The following EPN2 variants were observed in gnomAD, a reference collection of about 807,000 sequenced individuals.
The protein encoded by EPN2 is epsin 2, also known as epsin-2.
In EPN2, 34 loss-of-function variants were observed where a neutral mutation model predicts 61.7. The observed-to-expected ratio is 0.55, with a 90% CI of 0.42 to 0.73. The LOEUF (loss-of-function observed/expected upper bound fraction) is 0.73, where lower values mean the gene tolerates loss of function less well. Among genes scored for constraint, EPN2 ranks in the 30% least tolerant of loss-of-function variants. The probability of loss-of-function intolerance (pLI) is 0.00; values close to 1 mark genes in which losing one functional copy is unlikely to be tolerated. For missense variants in EPN2, 714 were observed against 839.2 expected, an observed-to-expected ratio of 0.85 and a Z score of 1.84; for synonymous variants, 349 against 353.6, an observed-to-expected ratio of 0.99 and a Z score of 0.15.
chr17:19,326,550 G>A (rs765714833), intron 7 of EPN2, among the ~76,000 whole-genome samples: 11 of 152,050 alleles, frequency 7.2e-5, no homozygotes, highest in Non-Finnish European at 1.2e-4. Flanking sequence ...AGCTGGGTGT[G>A]GTGGTGGGTG....
chr17:19,324,995 A>G (rs1433300614), intron 7 of EPN2, among the ~76,000 whole-genome samples: 1 of 152,214 alleles, frequency 6.6e-6, no homozygotes, highest in African/African-American at 2.4e-5. Context: ...GTGCTTACAA[A>G]TCCAAAAACT....
chr17:19,331,601 A>G (rs1040811921), intron 9 of EPN2, among the ~76,000 whole-genome samples: 2 of 151,244 alleles, frequency 1.3e-5, no homozygotes, highest in African/African-American at 4.9e-5. Context: ...AGCTATACAC[A>G]CTCTTTTATA....
chr17:19,249,673 A>G (rs2044992584), intron 1 of EPN2: 1 of 152,274 alleles, frequency 6.6e-6, no homozygotes, highest in Non-Finnish European at 1.5e-5. Flanking sequence ...GAGCTCACAG[A>G]TGTGTTTTGT....
chr17:19,253,680 T>C (rs2045040826), intron 1 of EPN2, among the ~76,000 whole-genome samples: 1 of 152,142 alleles, frequency 6.6e-6, no homozygotes. Context: ...ATTATAGGTG[T>C]GAGCCACTGT....
intron 9 of EPN2, 55 bp from the exon 10 acceptor site, chr17:19,331,798 A>G (rs1260657538): frequency 3.4e-5 from 50 of 1,480,700 alleles, no homozygotes; most frequent in Non-Finnish European, 4.4e-5. Context: ...TTAAGTACAC[A>G]GTCTTAGGCT....
intron 10 of EPN2, 25 bp downstream of exon 10, chr17:19,332,093 C>T (rs1270391203): frequency 1.9e-6 from 3 of 1,559,076 alleles, no homozygotes; most frequent in East Asian, 4.5e-5. Context: ...CAGGCTTCAT[C>T]CATTGCCTGC....
chr17:19,251,729 C>T (rs765581966), intron 1 of EPN2, among the ~76,000 whole-genome samples: 1 of 152,076 alleles, frequency 6.6e-6, no homozygotes, highest in African/African-American at 2.4e-5. Flanking sequence ...CCACTGCACC[C>T]GGCCAGGTAG....
intron 7 of EPN2, among the ~76,000 whole-genome samples, chr17:19,321,024 A>G (rs956528530): frequency 6.6e-5 from 10 of 152,148 alleles, no homozygotes; most frequent in Non-Finnish European, 5.9e-5. Flanking sequence ...TGCTTTGGCA[A>G]GGGGGACAGA....
chr17:19,258,444 T>TA (rs2045105474), intron 1 of EPN2, among the ~76,000 whole-genome samples: 1 of 152,212 alleles, frequency 6.6e-6, no homozygotes, highest in Admixed American at 6.5e-5. Flanking sequence ...TGTCAGCAGC[T>TA]ATCTGGTTGT....
At chr17:19,262,210 G>A (rs2045149148) in intron 1 of EPN2, among the ~76,000 whole-genome samples, 1 of 151,024 alleles carries the variant, frequency 6.6e-6, no homozygotes, top group Admixed American at 6.6e-5. Context: ...CAGGTGCAGT[G>A]GCTCATGCCT....
At chr17:19,248,730 A>C (rs1320019520) in intron 1 of EPN2, among the ~76,000 whole-genome samples, 5 of 152,208 alleles carry the variant, frequency 3.3e-5, no homozygotes, top group Admixed American at 6.5e-5. Context: ...GAGTGAATAA[A>C]ATTTAAGTTC....
At chr17:19,327,813 A>AT (rs1906954158) in intron 7 of EPN2, among the ~76,000 whole-genome samples, 1 of 152,254 alleles carries the variant, frequency 6.6e-6, no homozygotes, top group Admixed American at 6.5e-5. Context: ...AGAAAGGCTA[A>AT]TAAACAGTTC....
chr17:19,284,986 A>G (rs1486429080), intron 3 of EPN2, among the ~76,000 whole-genome samples: 2 of 152,244 alleles, frequency 1.3e-5, no homozygotes, highest in African/African-American at 2.4e-5. Context: ...AATCTCCAGA[A>G]GCCTCAATGC....
chr17:19,265,341 G>T (rs982752715), intron 1 of EPN2, among the ~76,000 whole-genome samples: 1 of 148,344 alleles, frequency 6.7e-6, no homozygotes, highest in South Asian at 2.1e-4. Context: ...TTGTGCTACT[G>T]TACTCCATCT....
At chr17:19,320,207 G>A (rs757893410) in intron 7 of EPN2, among the ~76,000 whole-genome samples, 1 of 152,198 alleles carries the variant, frequency 6.6e-6, no homozygotes, top group Non-Finnish European at 1.5e-5. Flanking sequence ...TGGTCACCCC[G>A]TCCTCAGGCC....
At chr17:19,262,185 T>TAA (rs1015785708) in intron 1 of EPN2, among the ~76,000 whole-genome samples, 1 of 139,166 alleles carries the variant, frequency 7.2e-6, no homozygotes, top group Non-Finnish European at 1.5e-5. Context: ...AGACTCCATC[T>TAA]AAAAAAAAAC....
intron 1 of EPN2, among the ~76,000 whole-genome samples, chr17:19,253,913 C>G (rs2045044281): frequency 6.6e-6 from 1 of 151,988 alleles, no homozygotes; most frequent in Non-Finnish European, 1.5e-5. Flanking sequence ...GGCAGGATCA[C>G]TTGAGGTCAG....
At chr17:19,272,156 G>A (rs1470353465) in intron 1 of EPN2, among the ~76,000 whole-genome samples, 1 of 152,204 alleles carries the variant, frequency 6.6e-6, no homozygotes. Context: ...CCCGTTCACT[G>A]CACCCAGTCT....
chr17:19,264,444 G>A (rs1002041616), intron 1 of EPN2, among the ~76,000 whole-genome samples: 2 of 152,192 alleles, frequency 1.3e-5, no homozygotes, highest in Non-Finnish European at 2.9e-5. Flanking sequence ...GAAACCTGTA[G>A]TGAAGCAGAA....
Sources: gnomAD v4.1 joint callset for allele counts (sites outside exome capture counted in the v4.1 genomes callset) on GRCh38, gnomAD v4.1.1 for gene constraint, MANE v1.5 for transcripts, NCBI Gene and HGNC (gene_info 2026-07-23, HGNC 2026-07-21) for gene names.